CAST: variants seen among roughly 807,000 people sequenced by gnomAD.
CAST encodes calpastatin.
A neutral mutation model predicts 119.6 loss-of-function variants in CAST; 76 were observed. The ratio of observed to expected loss-of-function variants is 0.64; its 90% CI spans 0.53 to 0.77. The LOEUF is 0.77. Among genes scored for constraint, CAST ranks in the 30% least tolerant of loss-of-function variants. CAST has a pLI of 0.00. For missense variants in CAST, 953 were observed against 946.5 expected (o/e 1.01, Z -0.09); for synonymous variants, 319 against 331.6 (o/e 0.96, Z 0.41).
At position 96,773,844 on chromosome 5, in the gene CAST, C is replaced by T. The variant is rs2150840843; in HGVS notation, c.*1228C>T. ...TTGGGAATTTATTGTTTCCAAAGGG[C>T]ATGGCCTTCCTTAGCATCAGTTTGA... On this transcript the variant is annotated 3_prime_UTR_variant, in exon 32 of 32. Transcript: ENST00000675179. 1 of 152,394 alleles carries T rather than the reference C, an allele frequency of 6.6e-6. No homozygotes were observed. The highest frequency in any genetic ancestry group is 2.4e-5 in the African/African-American group (1 of 41,536). 9.4% of individuals were successfully genotyped at this position (152,394 alleles called of 1,614,324 possible).
the CAST span, among the ~76,000 whole-genome samples, chr5:96,193,291 T>C: frequency 6.6e-6 from 1 of 152,198 alleles, no homozygotes; most frequent in Admixed American, 6.5e-5. Flanking sequence ...ATATTTACTA[T>C]GATATCATGC....
At chr5:96,425,921 C>T in the CAST span, 1 of 1,599,484 alleles carries the variant, frequency 6.3e-7, no homozygotes, top group South Asian at 1.1e-5. Flanking sequence ...TGTTGTTCAG[C>T]CCATATCACC....
chr5:96,740,933 T>C, intron 13 of CAST, 150 bp downstream of exon 13: 1 of 637,578 alleles, frequency 1.6e-6, no homozygotes, highest in East Asian at 2.7e-5. Flanking sequence ...AAGGGGTTGG[T>C]GGGAGGGTTG....
the CAST span, chr5:96,278,577 G>C: frequency 6.6e-6 from 1 of 152,200 alleles, no homozygotes; most frequent in Non-Finnish European, 1.5e-5. Flanking sequence ...ATAGGATTTT[G>C]TATATCCTAG....
At chr5:96,742,526 G>A in intron 15 of CAST, 129 bp from the exon 16 acceptor site, 1 of 626,870 alleles carries the variant, frequency 1.6e-6, no homozygotes, top group South Asian at 2.1e-5. Flanking sequence ...AAATAAAATT[G>A]CCTTTCTAGA....
At chr5:96,308,817 C>T in the CAST span, 16 of 152,926 alleles carry the variant, frequency 1.0e-4, no homozygotes, top group African/African-American at 3.8e-4. Flanking sequence ...CTGCCTGTTC[C>T]TTCCTCTGGA....
chr5:96,648,701 TTTA>T (rs1216095760), intron 1 of CAST, among the ~76,000 whole-genome samples: 1 of 140,706 alleles, frequency 7.1e-6, no homozygotes, highest in African/African-American at 2.6e-5. Context: ...TGGGAGAAGT[TTTA>T]TTTATATATA....
chr5:96,730,582 G>A (rs1305620308), intron 8 of CAST, among the ~76,000 whole-genome samples, 198 bp from the exon 9 acceptor site: 6 of 152,142 alleles, frequency 3.9e-5, no homozygotes, highest in African/African-American at 1.4e-4. Flanking sequence ...AGTTACCTGC[G>A]TGAACGTTTT....
the CAST span, among the ~76,000 whole-genome samples, chr5:96,106,150 G>A: frequency 8.6e-5 from 13 of 151,834 alleles, no homozygotes; most frequent in Admixed American, 6.6e-5. Context: ...TCTTGCTAGC[G>A]GCCTATCAAT....
chr5:96,202,899 C>T, the CAST span, among the ~76,000 whole-genome samples: 2 of 151,806 alleles, frequency 1.3e-5, no homozygotes, highest in Admixed American at 6.6e-5. Flanking sequence ...CTTTTTGAAT[C>T]CTTTCTTAGG....
chr5:96,732,710 G>A (rs113751298), intron 9 of CAST, among the ~76,000 whole-genome samples: 14,246 of 152,038 alleles, frequency 0.094, 861 homozygotes, highest in Middle Eastern at 0.16. Context: ...AATAAATGGT[G>A]CTGGGAAAAC....
intron 1 of CAST, among the ~76,000 whole-genome samples, chr5:96,593,659 T>C (rs1341364368): frequency 6.6e-6 from 1 of 152,132 alleles, no homozygotes; most frequent in African/African-American, 2.4e-5. Context: ...CTCAGTGTGA[T>C]GATATTAGGA....
chr5:96,023,703 G>T, the CAST span, among the ~76,000 whole-genome samples: 1 of 151,928 alleles, frequency 6.6e-6, no homozygotes, highest in South Asian at 2.1e-4. Flanking sequence ...TCCAGAATAT[G>T]GGTCATGGAA....
At chr5:96,098,867 A>G in the CAST span, among the ~76,000 whole-genome samples, 2 of 152,098 alleles carry the variant, frequency 1.3e-5, no homozygotes, top group Admixed American at 6.5e-5. Context: ...AGAATGGTCA[A>G]TTGTAGTTTA....
At chr5:96,669,794 G>C (rs1415795742) in intron 1 of CAST, among the ~76,000 whole-genome samples, 1 of 152,144 alleles carries the variant, frequency 6.6e-6, no homozygotes, top group African/African-American at 2.4e-5. Context: ...ATGGTTTGAG[G>C]AGCGGAAACT....
the CAST span, chr5:96,248,121 TG>T: frequency 1.3e-5 from 2 of 152,272 alleles, no homozygotes; most frequent in Non-Finnish European, 1.5e-5. Flanking sequence ...CCGAAAATGC[TG>T]GTTGTCACCA....
the CAST span, chr5:96,278,676 A>C: frequency 6.6e-6 from 1 of 152,230 alleles, no homozygotes; most frequent in Non-Finnish European, 1.5e-5. Flanking sequence ...AGAAGATAGA[A>C]AACAAAAGCA....
chr5:96,634,876 G>T (rs958456655), intron 1 of CAST, among the ~76,000 whole-genome samples: 1 of 152,204 alleles, frequency 6.6e-6, no homozygotes, highest in African/African-American at 2.4e-5. Flanking sequence ...TGTGCGATTT[G>T]GGAGATTCAG....
chr5:96,712,209 C>G (rs947859983), intron 3 of CAST, among the ~76,000 whole-genome samples: 25 of 152,336 alleles, frequency 1.6e-4, no homozygotes, highest in African/African-American at 6.0e-4. Context: ...TTATCTGAAA[C>G]AGGCATGGAG....
Sources: gnomAD v4.1 joint callset for allele counts (sites outside exome capture counted in the v4.1 genomes callset) on GRCh38, gnomAD v4.1.1 for gene constraint, MANE v1.5 for transcripts, NCBI Gene and HGNC (gene_info 2026-07-23, HGNC 2026-07-21) for gene names.